GLYR1: variants seen among roughly 807,000 people sequenced by gnomAD.
GLYR1 encodes glyoxylate reductase 1 homolog.
GLYR1 carries 21 observed loss-of-function variants against 72.7 expected under a neutral mutation model. The ratio of observed to expected loss-of-function variants is 0.29; its 90% CI spans 0.20 to 0.42. The LOEUF is 0.42. Among genes scored for constraint, GLYR1 ranks in the 10% least tolerant of loss-of-function variants. GLYR1 has a pLI of 1.00. For missense variants in GLYR1, 594 were observed against 712.1 expected (o/e 0.83, Z 1.89); for synonymous variants, 392 against 270.2 (o/e 1.45, Z -4.42).
chr16:4,813,305 T>C (rs977636022), intron 12 of GLYR1, among the ~76,000 whole-genome samples: 2 of 152,238 alleles, frequency 1.3e-5, no homozygotes, highest in African/African-American at 2.4e-5. Flanking sequence ...GATGTGACCA[T>C]GTCAATGGCT....
intron 4 of GLYR1, 108 bp from the exon 5 acceptor site, chr16:4,832,329 T>A: frequency 2.3e-6 from 3 of 1,302,238 alleles, no homozygotes; most frequent in Non-Finnish European, 3.2e-6. Flanking sequence ...TGTGGTCTCC[T>A]CACAATGACC....
At chr16:4,820,344 C>G (rs1009793567) in intron 9 of GLYR1, among the ~76,000 whole-genome samples, 4 of 152,100 alleles carry the variant, frequency 2.6e-5, no homozygotes, top group Non-Finnish European at 5.9e-5. Flanking sequence ...GTGTCTCAGA[C>G]AAAATGGAAA....
At chr16:4,810,678 A>G (rs1437778841) in intron 15 of GLYR1, among the ~76,000 whole-genome samples, 1 of 117,246 alleles carries the variant, frequency 8.5e-6, no homozygotes, top group Non-Finnish European at 1.7e-5. Flanking sequence ...CCTGGCTAAC[A>G]TGGTGAAACC....
Position 4,832,231 on chromosome 16 carries a change from T to G in GLYR1, c.295-10A>C, listed in dbSNP as rs949296700. The stretch of plus-strand genomic sequence containing the variant: ...AATTGTGGGATGACGTCTGAAAGTT[T>G]AATAATAATAATGATAACTACCACC... On this transcript the variant is annotated splice_polypyrimidine_tract_variant and intron_variant, in intron 4 of 15. Coordinates refer to ENST00000321919, the MANE Select transcript of GLYR1 (RefSeq NM_032569.4). The G allele has an allele frequency of 7.4e-6, 12 of 1,612,960 alleles. No homozygotes were observed. The African/African-American group carries it at 1.6e-4, about 22-fold the overall frequency.
chr16:4,822,831 G>C (rs1333106884), intron 7 of GLYR1, 44 bp downstream of exon 7: 1 of 1,546,148 alleles, frequency 6.5e-7, no homozygotes, highest in Non-Finnish European at 8.9e-7. Flanking sequence ...AGCACTCCTT[G>C]GCCAGCCCCT....
rs745862159 is a variant in GLYR1, at chr16:4,832,946, C to A, written c.156-34G>T. The stretch of plus-strand genomic sequence containing the variant: ...AAACAAACACAAAAAGGGTGTGAAC[C>A]ATATAGCATATGCCCTAAAGTATCA... On this transcript the variant is annotated intron_variant, in intron 3 of 15. Coordinates refer to ENST00000321919, the MANE Select transcript of GLYR1 (RefSeq NM_032569.4). 4 of 1,579,790 alleles carry A rather than the reference C, an allele frequency of 2.5e-6. No homozygotes were observed. In the African/African-American group the frequency reaches 5.4e-5, roughly 21 times the overall value.
intron 15 of GLYR1, among the ~76,000 whole-genome samples, chr16:4,806,884 C>T (rs2083015022): frequency 6.8e-6 from 1 of 147,904 alleles, no homozygotes; most frequent in Admixed American, 6.7e-5. Context: ...TCACTGCCAG[C>T]TCTGCTCTGC....
chr16:4,826,682 G>GC (rs2084399363), intron 5 of GLYR1, among the ~76,000 whole-genome samples: 1 of 152,228 alleles, frequency 6.6e-6, no homozygotes, highest in Non-Finnish European at 1.5e-5. Flanking sequence ...GCAATGATGG[G>GC]CGTGTACTCC....
chr16:4,830,631 C>A (rs547013311), intron 5 of GLYR1, among the ~76,000 whole-genome samples: 1 of 152,206 alleles, frequency 6.6e-6, no homozygotes, highest in East Asian at 1.9e-4. Flanking sequence ...CGTCACCCAA[C>A]TGTTGCTGCC....
At chr16:4,819,372 A>C (rs1288045421) in intron 9 of GLYR1, among the ~76,000 whole-genome samples, 1 of 152,076 alleles carries the variant, frequency 6.6e-6, no homozygotes, top group Non-Finnish European at 1.5e-5. Flanking sequence ...CAGGGGGGTG[A>C]TCATAGCTCA....
intron 5 of GLYR1, among the ~76,000 whole-genome samples, chr16:4,827,494 C>T (rs142255531): frequency 1.6e-4 from 25 of 152,220 alleles, no homozygotes; most frequent in African/African-American, 5.3e-4. Context: ...AAGGACACCT[C>T]GAAGGGTCAA....
At chr16:4,837,315 C>A (rs1467279349) in intron 3 of GLYR1, among the ~76,000 whole-genome samples, 2 of 152,000 alleles carry the variant, frequency 1.3e-5, no homozygotes, top group Non-Finnish European at 1.5e-5. Flanking sequence ...CGTCTGTAAT[C>A]CCAGCTACTT....
At chr16:4,823,558 T>TA (rs961721238) in intron 6 of GLYR1, among the ~76,000 whole-genome samples, 43 of 151,712 alleles carry the variant, frequency 2.8e-4, no homozygotes, top group African/African-American at 9.2e-4. Context: ...CTGCCCAAAA[T>TA]AAAAAAAACT....
intron 5 of GLYR1, among the ~76,000 whole-genome samples, chr16:4,830,731 T>C (rs751894891): frequency 6.6e-6 from 1 of 152,200 alleles, no homozygotes. Context: ...TTCTTCTCTG[T>C]GGCCTTGTAA....
chr16:4,810,744 G>A lies in GLYR1; in HGVS notation c.1587+426C>T, dbSNP rs145629319. ...AAAAAAAAAAAAAAATTAGCCGGGC[G>A]TGGTGGCAAGAGCCTGAGGCGACAG... is the stretch of plus-strand genomic sequence containing the variant. On this transcript the variant is annotated intron_variant, in intron 15 of 15. Coordinates refer to ENST00000321919, the MANE Select transcript of GLYR1 (RefSeq NM_032569.4). Among the ~76,000 whole-genome samples, 788 of 144,106 alleles carry A rather than the reference G, an allele frequency of 5.5e-3. 7 individuals carry two copies. Among genetic ancestry groups the A allele is most frequent in the African/African-American group, 0.02 (758 of 38,578 alleles). The allele number at this position is 144,106 out of a possible 152,430, so 94.5% of individuals were successfully genotyped here.
At chr16:4,832,564 T>C (rs2084867925) in intron 4 of GLYR1, 1 of 618,578 alleles carries the variant, frequency 1.6e-6, no homozygotes, top group Non-Finnish European at 2.7e-6. Flanking sequence ...CCAAGCAATT[T>C]TCCTAAAAGC....
chr16:4,804,697 CCT>C lies in GLYR1; in HGVS notation c.*537_*538del, dbSNP rs1245698219. 1 of 159,760 alleles carries C rather than the reference CCT, an allele frequency of 6.3e-6. No individual in the cohort carries two copies. Among genetic ancestry groups the C allele is most frequent in the Non-Finnish European group, 1.4e-5 (1 of 71,978 alleles). 9.9% of individuals were successfully genotyped at this position (159,760 alleles called of 1,614,324 possible). On this transcript the variant is annotated 3_prime_UTR_variant, in exon 16 of 16. Transcript: ENST00000321919. ...CTGAGGTTGGAGGGCCCCAAGGGCC[CCT>C]CTGTCTGGAGTCTGTACTGGCTCAT...
intron 5 of GLYR1, among the ~76,000 whole-genome samples, chr16:4,824,493 C>A (rs1365579368): frequency 1.7e-5 from 2 of 115,776 alleles, no homozygotes; most frequent in Non-Finnish European, 1.7e-5. Context: ...AGCAAGACTC[C>A]ATCTCAAAAA....
intron 3 of GLYR1, chr16:4,840,263 G>C: frequency 6.6e-6 from 1 of 152,340 alleles, no homozygotes; most frequent in East Asian, 1.9e-4. Flanking sequence ...TCCTGATCCC[G>C]TGATTCCTTC....
Sources: gnomAD v4.1 joint callset for allele counts (sites outside exome capture counted in the v4.1 genomes callset) on GRCh38, gnomAD v4.1.1 for gene constraint, MANE v1.5 for transcripts, NCBI Gene and HGNC (gene_info 2026-07-23, HGNC 2026-07-21) for gene names.